CSMD1: variants seen among roughly 807,000 people sequenced by gnomAD.
CSMD1 encodes CUB and sushi domain-containing protein 1.
CSMD1 carries 213 observed loss-of-function variants against 417.5 expected under a neutral mutation model. The ratio of observed to expected loss-of-function variants is 0.51; its 90% confidence interval spans 0.46 to 0.57. The LOEUF (loss-of-function observed/expected upper bound fraction) is 0.57, where lower values mean the gene tolerates loss of function less well. Among genes scored for constraint, CSMD1 ranks in the 20% least tolerant of loss-of-function variants. The pLI is 0.00. For synonymous variants in CSMD1, 2,862 were observed against 1,736.8 expected, an observed-to-expected ratio of 1.65 and a Z score of -16.11; for missense variants, 6,923 against 4,529.7, an observed-to-expected ratio of 1.53 and a Z score of -15.17.
At chr8:3,937,001 T>G (rs1347114584) in intron 5 of CSMD1, among the ~76,000 whole-genome samples, 2 of 152,118 alleles carry the variant, frequency 1.3e-5, no homozygotes, top group African/African-American at 2.4e-5. Flanking sequence ...GTGAATGACT[T>G]TGTTGGGTTA....
chr8:4,965,301 T>G (rs368652412), intron 1 of CSMD1, among the ~76,000 whole-genome samples: 2 of 152,340 alleles, frequency 1.3e-5, no homozygotes, highest in African/African-American at 4.8e-5. Context: ...GTATCAGGCA[T>G]AGTTGCAAAT....
intron 2 of CSMD1, among the ~76,000 whole-genome samples, chr8:4,447,633 C>G (rs1050777585): frequency 6.6e-6 from 1 of 152,150 alleles, no homozygotes; most frequent in East Asian, 1.9e-4. Flanking sequence ...TGTTCAAAGT[C>G]GACAGGTTTA....
At position 4,894,284 on chromosome 8, in the gene CSMD1, CA is replaced by C. The variant is rs543086365; in HGVS notation, c.85+100047del. 1.1e-3 allele frequency among the ~76,000 whole-genome samples: 160 copies of C among 152,034 alleles called. 2 individuals are homozygous for C. Among genetic ancestry groups the C allele is most frequent in the African/African-American group, 3.5e-3 (147 of 41,446 alleles). ...TATCAAGTCTTTTGTTTTGCTTTTT[CA>C]AATTTATTGAATTTATATACATTTT... is the stretch of plus-strand genomic sequence containing the variant. On this transcript the variant is annotated intron_variant, in intron 1 of 69. Coordinates refer to ENST00000635120, the MANE Select transcript of CSMD1 (RefSeq NM_033225.6).
At position 3,622,155 on chromosome 8, in the gene CSMD1, T is replaced by C. The variant is rs75431026; in HGVS notation, c.1010-5358A>G. On this transcript the variant is annotated intron_variant, in intron 7 of 69. Transcript: ENST00000635120. ...TGGTCTACTACTAGCTCTCTGAAAT[T>C]TATCTTGTAAATGCATTTAGCTTTA... Among the ~76,000 whole-genome samples, 7 of 152,298 alleles carry C rather than the reference T, an allele frequency of 4.6e-5. No homozygotes were observed. The East Asian group carries it at 1.4e-3, about 29-fold the overall frequency.
chr8:2,982,103 C>G (rs945397132), intron 54 of CSMD1, among the ~76,000 whole-genome samples: 1 of 152,156 alleles, frequency 6.6e-6, no homozygotes, highest in Admixed American at 6.5e-5. Flanking sequence ...CACCTGTAAT[C>G]CCAGCACTTT....
chr8:3,994,211 C>G (rs990098556), intron 5 of CSMD1, among the ~76,000 whole-genome samples: 1 of 151,958 alleles, frequency 6.6e-6, no homozygotes, highest in African/African-American at 2.4e-5. Flanking sequence ...ATCCTCTACA[C>G]ATTCCCTGTC....
chr8:3,616,965 A>T (rs1802171663), intron 7 of CSMD1, among the ~76,000 whole-genome samples, 168 bp from the exon 8 acceptor site: 1 of 138,576 alleles, frequency 7.2e-6, no homozygotes, highest in African/African-American at 2.6e-5. Context: ...TTATATTCTG[A>T]TTGGTGAAAA....
chr8:3,268,340 A>C (rs985888441), intron 26 of CSMD1, among the ~76,000 whole-genome samples: 3 of 119,220 alleles, frequency 2.5e-5, no homozygotes, highest in Non-Finnish European at 4.8e-5. Context: ...TCTGTCACCC[A>C]GGCTGGAGCG....
chr8:3,819,560 A>AGT (rs1563112268), intron 5 of CSMD1, among the ~76,000 whole-genome samples: 1 of 23,234 alleles, frequency 4.3e-5, no homozygotes, highest in Non-Finnish European at 9.2e-5. Context: ...ACACACACAC[A>AGT]CGTATGTATA....
chr8:3,144,204 T>C (rs1041131999), intron 40 of CSMD1, among the ~76,000 whole-genome samples: 1 of 152,158 alleles, frequency 6.6e-6, no homozygotes, highest in Non-Finnish European at 1.5e-5. Context: ...TTCTGTCTCA[T>C]GTCACACGGG....
At position 3,875,025 on chromosome 8, in the gene CSMD1, C is replaced by G. The variant is rs78696974; in HGVS notation, c.819-120983G>C. Among the ~76,000 whole-genome samples, 962 of 152,142 alleles carry G rather than the reference C, an allele frequency of 6.3e-3. 4 individuals are homozygous for G. Among genetic ancestry groups the G allele is most frequent in the Middle Eastern group, 0.02 (6 of 294 alleles). On this transcript the variant is annotated intron_variant, in intron 5 of 69. Transcript: ENST00000635120. ...ATCTCAAGAAGAATGGATGCAAGCA[C>G]AAAGGCTGGCATGAGCTGGGGCGGC...
At chr8:3,915,405 C>CAAA (rs778981187) in intron 5 of CSMD1, among the ~76,000 whole-genome samples, 11 of 76,218 alleles carry the variant, frequency 1.4e-4, no homozygotes, top group East Asian at 8.0e-4. Flanking sequence ...GACTCTGTCT[C>CAAA]AAAAAAAAAA....
intron 31 of CSMD1, 44 bp downstream of exon 31, chr8:3,205,459 GA>G: frequency 1.0e-6 from 1 of 978,506 alleles, no homozygotes; most frequent in South Asian, 1.5e-5. Flanking sequence ...AATTAACACT[GA>G]AAGGAAATAT....
At chr8:3,330,155 C>G (rs922779881) in intron 23 of CSMD1, among the ~76,000 whole-genome samples, 3 of 152,048 alleles carry the variant, frequency 2.0e-5, no homozygotes, top group Admixed American at 2.0e-4. Flanking sequence ...AGAGATTTCT[C>G]CTTACATTGA....
intron 1 of CSMD1, among the ~76,000 whole-genome samples, chr8:4,908,834 C>G (rs1805477489): frequency 6.6e-6 from 1 of 152,180 alleles, no homozygotes; most frequent in Non-Finnish European, 1.5e-5. Context: ...TCTAAGCATA[C>G]TAATCATACT....
chr8:3,456,633 G>C (rs1394803021), intron 12 of CSMD1, among the ~76,000 whole-genome samples: 2 of 152,150 alleles, frequency 1.3e-5, no homozygotes, highest in Admixed American at 6.5e-5. Context: ...AATAGTCCTA[G>C]TGGACGTGTT....
chr8:4,609,855 G>A lies in CSMD1; in HGVS notation c.302+27487C>T, dbSNP rs1168485600. On this transcript the variant is annotated intron_variant, in intron 2 of 69. Transcript: ENST00000635120. ...ATGCCCTGAGCTTTCTGATAGCTCT[G>A]GTAAAAATTTAAGAGAGATGGGATG... Among the ~76,000 whole-genome samples, 4 of 152,182 alleles carry A rather than the reference G, an allele frequency of 2.6e-5. No individual in the cohort carries two copies. In the East Asian group the frequency reaches 5.8e-4, roughly 22 times the overall value.
rs562470303 is a variant in CSMD1, at chr8:3,223,676, A to G, written c.4484+53T>C. On this transcript the variant is annotated intron_variant, in intron 28 of 69. Transcript: ENST00000635120. ...TGAGGTCATAAAAGAAGTAATTTTT[A>G]GGTATGGAATTAAAAATCCTACTAA... 1.1e-5 allele frequency: 18 copies of G among 1,581,090 alleles called. No homozygotes were observed. The Admixed American group carries it at 1.7e-4, about 15-fold the overall frequency.
At chr8:3,311,721 A>C (rs947265070) in intron 23 of CSMD1, among the ~76,000 whole-genome samples, 1 of 152,216 alleles carries the variant, frequency 6.6e-6, no homozygotes. Flanking sequence ...GTGAACCATC[A>C]TAAGTTGTGG....
Sources: gnomAD v4.1 joint callset for allele counts (sites outside exome capture counted in the v4.1 genomes callset) on GRCh38, gnomAD v4.1.1 for gene constraint, MANE v1.5 for transcripts, NCBI Gene and HGNC (gene_info 2026-07-23, HGNC 2026-07-21) for gene names.